PAH: variants seen among roughly 807,000 people sequenced by gnomAD.
PAH encodes phenylalanine hydroxylase, also known as phenylalanine-4-hydroxylase.
A neutral mutation model predicts 62.0 loss-of-function variants in PAH; 64 were observed. That is an observed-to-expected ratio of 1.03 (90% CI 0.84 to 1.27). The LOEUF (loss-of-function observed/expected upper bound fraction) is 1.27. PAH is among the 50% of genes most tolerant of loss of function. The pLI is 0.00. For synonymous variants in PAH, 195 were observed against 196.2 expected (o/e 0.99, Z 0.05); for missense variants, 579 against 542.8 (o/e 1.07, Z -0.66).
At chr12:102,880,396 G>A (rs1876766080) in intron 3 of PAH, among the ~76,000 whole-genome samples, 1 of 152,096 alleles carries the variant, frequency 6.6e-6, no homozygotes, top group South Asian at 2.1e-4. Context: ...TGCCACCAAG[G>A]GGTTTCAATG....
chr12:102,861,219 C>A (rs1264433186), intron 5 of PAH, among the ~76,000 whole-genome samples: 1 of 152,170 alleles, frequency 6.6e-6, no homozygotes, highest in Admixed American at 6.5e-5. Flanking sequence ...AGCCAACAGA[C>A]ACATGAAAAA....
chr12:102,935,364 A>G (rs1211794953), intron 1 of PAH, among the ~76,000 whole-genome samples: 2 of 151,818 alleles, frequency 1.3e-5, no homozygotes, highest in Non-Finnish European at 1.5e-5. Context: ...TCCTTTATTC[A>G]TGTGTTTTTA....
intron 6 of PAH, chr12:102,854,629 C>T (rs940694428): frequency 4.8e-6 from 1 of 208,160 alleles, no homozygotes; most frequent in Non-Finnish European, 9.7e-6. Flanking sequence ...AGAGTTGATA[C>T]AGTGTCCATT....
chr12:102,884,932 G>C (rs1876967867), intron 3 of PAH, among the ~76,000 whole-genome samples: 2 of 152,298 alleles, frequency 1.3e-5, no homozygotes, highest in South Asian at 4.1e-4. Flanking sequence ...GTTCACTGAT[G>C]AGCAAATAGG....
At chr12:102,916,161 T>C (rs1295743634) in intron 1 of PAH, among the ~76,000 whole-genome samples, 1 of 151,812 alleles carries the variant, frequency 6.6e-6, no homozygotes, top group Non-Finnish European at 1.5e-5. Context: ...TTTTTAAGGA[T>C]TCAAATAAAA....
At chr12:102,903,725 G>A (rs1476423172) in intron 2 of PAH, among the ~76,000 whole-genome samples, 1 of 152,216 alleles carries the variant, frequency 6.6e-6, no homozygotes, top group East Asian at 1.9e-4. Flanking sequence ...CTGGAAGCTT[G>A]TTTAGTCTGA....
rs1438351961 is a variant in PAH, at chr12:102,846,934, A to G, written c.930T>C (p.Ser310=). The change falls in exon 9 of 13, where the codon TCT becomes TCC. Residue 310 remains serine, a synonymous_variant. Coordinates refer to ENST00000553106, the MANE Select transcript of PAH (RefSeq NM_000277.3). The stretch of plus-strand genomic sequence containing the variant: ...CAATGTATTCATCAGGTGCACCCAG[A>G]GAGGCAAGGCCAATTTCCTGTAATT... ...AQFSQEIGLA[S]LGAPDEYIEK... is the part of the protein sequence containing the mutation. 1.2e-6 allele frequency: 2 copies of G among 1,613,566 alleles called. No homozygotes were observed. The highest frequency in any genetic ancestry group is 1.7e-6 in the Non-Finnish European group (2 of 1,179,692).
intron 1 of PAH, among the ~76,000 whole-genome samples, chr12:102,927,445 A>C (rs570842423): frequency 1.3e-5 from 2 of 149,152 alleles, no homozygotes; most frequent in South Asian, 4.2e-4. Context: ...CTCAGGACAG[A>C]GATCAAATAT....
intron 11 of PAH, among the ~76,000 whole-genome samples, chr12:102,841,471 G>T (rs1415417407): frequency 1.3e-5 from 2 of 152,056 alleles, no homozygotes; most frequent in Non-Finnish European, 2.9e-5. Context: ...GTCTATTATG[G>T]CCCTTGTGAC....
chr12:102,855,310 C>T lies in PAH; in HGVS notation c.532G>A (p.Glu178Lys), dbSNP rs1448720360. The T allele has an allele frequency of 1.2e-6, 2 of 1,613,932 alleles. No homozygotes were observed. Among genetic ancestry groups the T allele is most frequent in the African/African-American group, 1.3e-5 (1 of 74,890 alleles). ...YRHGQPIPRV[E>K]YMEEEKKTWG... ...GTTTTCTTTTCTTCCTCCATGTATT[C>T]CACTCGAGGGATGGGCTGCCCACTA... The change falls in exon 6 of 13, where the codon GAA (glutamate) becomes AAA (lysine). Residue 178 changes from glutamate (E) to lysine (K), a missense_variant. Coordinates refer to ENST00000553106, the MANE Select transcript of PAH (RefSeq NM_000277.3).
chr12:102,919,771 A>G (rs1878509042), upstream of PAH, among the ~76,000 whole-genome samples: 1 of 152,210 alleles, frequency 6.6e-6, no homozygotes, highest in African/African-American at 2.4e-5. Flanking sequence ...ATTGCAAATA[A>G]CAGGATCTCA....
At chr12:102,870,863 C>T (rs1408364686) in intron 4 of PAH, among the ~76,000 whole-genome samples, 5 of 152,204 alleles carry the variant, frequency 3.3e-5, no homozygotes, top group Non-Finnish European at 5.9e-5. Context: ...TCCCTTTGCT[C>T]ACCCTACAAT....
At chr12:102,931,488 G>T (rs897724489) in intron 1 of PAH, among the ~76,000 whole-genome samples, 4 of 152,148 alleles carry the variant, frequency 2.6e-5, no homozygotes, top group African/African-American at 9.7e-5. Context: ...GGAAAGGAGA[G>T]GTAAGGATGT....
intron 1 of PAH, among the ~76,000 whole-genome samples, chr12:102,927,018 G>A (rs1445520679): frequency 6.8e-6 from 1 of 147,930 alleles, no homozygotes; most frequent in African/African-American, 2.5e-5. Flanking sequence ...TACTATGGTA[G>A]CAAAGTCACA....
intron 6 of PAH, chr12:102,853,410 C>A (rs1338706047): frequency 3.9e-6 from 1 of 255,422 alleles, no homozygotes; most frequent in Non-Finnish European, 7.7e-6. Flanking sequence ...CTGCACCTCA[C>A]ACAGTCTACC....
chr12:102,854,240 G>C (rs1335887141), intron 6 of PAH, among the ~76,000 whole-genome samples: 1 of 152,110 alleles, frequency 6.6e-6, no homozygotes, highest in Non-Finnish European at 1.5e-5. Context: ...TTCCCTTCCT[G>C]CCAAGTAATT....
At chr12:102,929,326 G>A (rs1357257) in intron 1 of PAH, among the ~76,000 whole-genome samples, 1 of 151,944 alleles carries the variant, frequency 6.6e-6, no homozygotes, top group Non-Finnish European at 1.5e-5. Context: ...ACATAATGCT[G>A]TGAGAACTTT....
intron 4 of PAH, chr12:102,877,207 A>G (rs1206154305): frequency 1.9e-6 from 1 of 521,740 alleles, no homozygotes; most frequent in Admixed American, 3.0e-5. Flanking sequence ...GTTTGTGCAT[A>G]CACAGACCTA....
chr12:102,910,528 G>A (rs1029241086), intron 2 of PAH, among the ~76,000 whole-genome samples: 7 of 151,990 alleles, frequency 4.6e-5, no homozygotes, highest in Non-Finnish European at 8.8e-5. Flanking sequence ...CCACCACCAC[G>A]CCGGGCTAAT....
Sources: allele counts gnomAD v4.1 joint callset (sites outside exome capture counted in the v4.1 genomes callset), GRCh38; gene constraint gnomAD v4.1.1; transcripts MANE v1.5; gene names NCBI Gene and HGNC (gene_info 2026-07-23, HGNC 2026-07-21).